PARP14: variants seen among roughly 807,000 people sequenced by gnomAD.
The protein encoded by PARP14 is protein mono-ADP-ribosyltransferase PARP14.
In PARP14, 59 loss-of-function variants were observed where a neutral mutation model predicts 154.2. That is an observed-to-expected ratio of 0.38 (90% CI 0.31 to 0.48). PARP14 has a LOEUF of 0.48. Ranked by LOEUF, PARP14 falls within the 20% of genes least tolerant of loss-of-function variation. The pLI is 0.98. For synonymous variants in PARP14, 720 were observed against 780.5 expected, an observed-to-expected ratio of 0.92 and a Z score of 1.29; for missense variants, 1,734 against 2,131.6, an observed-to-expected ratio of 0.81 and a Z score of 3.67.
rs756005903 is a variant in PARP14 at position 122,718,977 on chromosome 3, C to A, written c.4807+19C>A. The A allele has an allele frequency of 6.5e-7, 1 of 1,534,802 alleles. No homozygotes were observed. The highest frequency in any genetic ancestry group is 1.3e-5 in the South Asian group (1 of 78,430). ...TCCAAAGGTGAGTTAAACATTCATA[C>A]TTGTCATCCACTATTTCACATCTAC... On this transcript the variant is annotated intron_variant, in intron 14 of 16. Transcript: ENST00000474629.
At chr3:122,713,754 A>T in intron 10 of PARP14, 118 bp from the exon 11 acceptor site, 1 of 876,870 alleles carries the variant, frequency 1.1e-6, no homozygotes, top group South Asian at 1.5e-5. Context: ...GTCATCAGCA[A>T]TACCCAATTA....
chr3:122,720,505 T>C, intron 15 of PARP14, 117 bp downstream of exon 15: 1 of 935,236 alleles, frequency 1.1e-6, no homozygotes, highest in Non-Finnish European at 1.7e-6. Context: ...AGAATTAGAA[T>C]TTGTATGGTA....
rs765938773 is a variant in PARP14 at position 122,704,540 on chromosome 3, T to G, written c.3332T>G (p.Ile1111Arg). ...STSSLKIMEDIIRECMEITES... is the reference protein window; with the variant it reads ...STSSLKIMEDRIRECMEITES... ...TGTGCGTTTCAGATAATGGAAGACA[T>G]AATCAGAGAATGTATGGAGATCACT... The change falls in exon 8 of 17, where the codon ATA (isoleucine) becomes AGA (arginine). Residue 1111 changes from isoleucine (I) to arginine (R), a missense_variant. By Grantham distance (97) the Ile-to-Arg change is moderately conservative (BLOSUM62 -3). Around this residue, in one of 2 missense-constraint regions of PARP14, gnomAD observed 1,646 missense variants for 1,976.0 expected, o/e 0.83. Transcript: ENST00000474629. 2 of 1,594,280 alleles carry G rather than the reference T, an allele frequency of 1.3e-6. No individual in the cohort carries two copies. Among genetic ancestry groups the G allele is most frequent in the South Asian group, 1.1e-5 (1 of 88,670 alleles).
At chr3:122,725,598 G>C (rs1417930275) in intron 15 of PARP14, among the ~76,000 whole-genome samples, 1 of 152,046 alleles carries the variant, frequency 6.6e-6, no homozygotes, top group Non-Finnish European at 1.5e-5. Context: ...AGCTATGCTA[G>C]CTTTCTTTTG....
chr3:122,682,135 T>A (rs866072045), intron 1 of PARP14, among the ~76,000 whole-genome samples: 98 of 152,340 alleles, frequency 6.4e-4, no homozygotes, highest in African/African-American at 2.2e-3. Flanking sequence ...ATGGCCCTTA[T>A]GAAAACAAAA....
At chr3:122,695,312 G>A in intron 4 of PARP14, 114 bp from the exon 5 acceptor site, 1 of 616,696 alleles carries the variant, frequency 1.6e-6, no homozygotes, top group Non-Finnish European at 2.9e-6. Flanking sequence ...GTCTAAAAAT[G>A]GAGTGCTTAG....
Position 122,699,515 on chromosome 3 carries a change from C to T in PARP14, c.961C>T (p.Pro321Ser). Residue 321 changes from proline (P) to serine (S), a missense_variant, in exon 6 of 17, where the codon CCA (proline) becomes TCA (serine). Pro to Ser is a moderately conservative substitution (Grantham distance 74, BLOSUM62 -1). Around this residue, in one of 2 missense-constraint regions of PARP14, gnomAD observed 1,646 missense variants for 1,976.0 expected, o/e 0.83. Transcript: ENST00000474629. ...KEKPLIKLPA[P>S]FEESLDLPLW... ...GAAGCCTCTGATCAAGCTTCCAGCA[C>T]CATTTGAAGAGTCACTAGATCTTCC... is the stretch of plus-strand genomic sequence containing the variant. The T allele has an allele frequency of 3.7e-6, 6 of 1,613,920 alleles. No individual in the cohort carries two copies. The highest frequency in any genetic ancestry group is 3.3e-5 in the South Asian group (3 of 91,082).
chr3:122,710,169 T>C (rs1939278861), intron 9 of PARP14, among the ~76,000 whole-genome samples: 1 of 152,180 alleles, frequency 6.6e-6, no homozygotes, highest in South Asian at 2.1e-4. Flanking sequence ...CAATGTTATC[T>C]TTTAGAATTT....
chr3:122,692,649 C>A, intron 4 of PARP14, 106 bp downstream of exon 4: 1 of 901,238 alleles, frequency 1.1e-6, no homozygotes, highest in South Asian at 2.4e-5. Flanking sequence ...TTTCTAGTAG[C>A]TACTAAGAGA....
chr3:122,721,220 A>G, intron 15 of PARP14: 1 of 235,104 alleles, frequency 4.3e-6, no homozygotes, highest in South Asian at 4.6e-5. Flanking sequence ...TTCAATGTCA[A>G]TAGCTCCCAA....
chr3:122,700,444 C>A lies in PARP14; in HGVS notation c.1890C>A (p.Asn630Lys), dbSNP rs367840987. ...TTAAGAAACAAAATTCCTCCCCAAA[C>A]ACTGTAATCATCAATGAGTTAACTT... ...NLLKKQNSSPNTVIINELTSE... is the reference protein window; with the variant it reads ...NLLKKQNSSPKTVIINELTSE... Residue 630 changes from asparagine (N) to lysine (K), a missense_variant, in exon 6 of 17, where the codon AAC becomes AAA. Transcript: ENST00000474629. 5 of 1,613,490 alleles carry A rather than the reference C, an allele frequency of 3.1e-6. No homozygotes were observed. Among genetic ancestry groups the A allele is most frequent in the Non-Finnish European group, 4.2e-6 (5 of 1,179,602 alleles).
Position 122,713,423 on chromosome 3 carries a change from G to C in PARP14, c.3620-1G>C, listed in dbSNP as rs1939385608. The C allele has an allele frequency of 1.9e-6, 3 of 1,606,628 alleles. No homozygotes were observed. The highest frequency in any genetic ancestry group is 1.1e-5 in the South Asian group (1 of 90,284). On this transcript the variant is annotated splice_acceptor_variant, in intron 9 of 16. Transcript: ENST00000474629. LOFTEE classifies it high-confidence loss of function. ...ATTGACTTTACTTCTTTTCTTTTCA[G>C]GTTTTTATGGGACTGTTTCTAGCCC...
chr3:122,714,438 C>A lies in PARP14; in HGVS notation c.4000+9C>A. ...CCCAGCCATTGGGACAGGTTCGTAG[C>A]CTCTGGCTGTCAAGGCTAAATCCCA... is the stretch of plus-strand genomic sequence containing the variant. On this transcript the variant is annotated intron_variant, in intron 12 of 16. Coordinates refer to ENST00000474629, the MANE Select transcript of PARP14 (RefSeq NM_017554.3). 2 of 1,547,482 alleles carry A rather than the reference C, an allele frequency of 1.3e-6. No homozygotes were observed. The highest frequency in any genetic ancestry group is 2.8e-5 in the African/African-American group (2 of 71,110).
chr3:122,680,895 C>T lies in PARP14; in HGVS notation c.12C>T (p.Pro4=), dbSNP rs776419568. MAV[P]GSFPLLVEGS... ...GAGCGGAGCTGAGGATGGCTGTGCC[C>T]GGCTCCTTCCCGCTGCTGGTCGAGG... Residue 4 remains proline, a synonymous_variant, in exon 1 of 17, where the codon CCC becomes CCT. Transcript: ENST00000474629. 272 of 1,606,138 alleles carry T rather than the reference C, an allele frequency of 1.7e-4. No individual in the cohort carries two copies. The highest frequency in any genetic ancestry group is 7.6e-4 in the Admixed American group (45 of 58,904).
chr3:122,685,856 T>G (rs1022167703), intron 2 of PARP14, among the ~76,000 whole-genome samples: 10 of 152,274 alleles, frequency 6.6e-5, no homozygotes, highest in East Asian at 1.9e-4. Flanking sequence ...AGCCAAGATT[T>G]GGGGATTATA....
intron 15 of PARP14, among the ~76,000 whole-genome samples, chr3:122,725,862 T>C (rs1428792261): frequency 6.6e-6 from 1 of 152,204 alleles, no homozygotes; most frequent in Non-Finnish European, 1.5e-5. Context: ...TGTTCTTTTT[T>C]ATCTTTTCCT....
At position 122,700,854 on chromosome 3, in the gene PARP14, G is replaced by A. The variant is rs868392294; in HGVS notation, c.2300G>A (p.Arg767Gln). 1.1e-5 allele frequency: 17 copies of A among 1,613,844 alleles called. No individual in the cohort carries two copies. The highest frequency in any genetic ancestry group is 4.5e-5 in the East Asian group (2 of 44,900). Residue 767 changes from arginine (R) to glutamine (Q), a missense_variant, in exon 6 of 17, where the codon CGG becomes CAG. Transcript: ENST00000474629. The stretch of plus-strand genomic sequence containing the variant: ...CGGTTTTATCAAAGTGAGATCAAAC[G>A]GTTGTTTGGTTGTTACATTGAACTA... ...KARFYQSEIK[R>Q]LFGCYIELQE...
At chr3:122,712,730 A>G (rs1331931809) in intron 9 of PARP14, among the ~76,000 whole-genome samples, 1 of 149,634 alleles carries the variant, frequency 6.7e-6, no homozygotes, top group East Asian at 2.0e-4. Flanking sequence ...TATTTGTATT[A>G]TTTGTAGAGA....
chr3:122,703,811 T>C lies in PARP14; in HGVS notation c.3151T>C (p.Leu1051=), dbSNP rs548724722. 3 of 1,613,996 alleles carry C rather than the reference T, an allele frequency of 1.9e-6. No individual in the cohort carries two copies. The highest frequency in any genetic ancestry group is 1.3e-5 in the African/African-American group (1 of 75,050). The change falls in exon 7 of 17, where the codon TTG becomes CTG. Residue 1051 remains leucine (L), a synonymous_variant. Coordinates refer to ENST00000474629, the MANE Select transcript of PARP14 (RefSeq NM_017554.3). Reference sequence around the variant, plus strand: ...TAGAGGGCCTCTTTCTAAGTCCCTCTTGGAAAAAGCTGGACCAGAGCTCCA... The same window carrying C: ...TAGAGGGCCTCTTTCTAAGTCCCTCCTGGAAAAAGCTGGACCAGAGCTCCA... The part of the protein sequence containing the change: ...LSRGPLSKSL[L]EKAGPELQEE...
Sources: gnomAD v4.1 joint callset for allele counts (sites outside exome capture counted in the v4.1 genomes callset) on GRCh38, gnomAD v4.1.1 for gene constraint, gnomAD v4.1.1 regional missense constraint, MANE v1.5 for transcripts, NCBI Gene and HGNC (gene_info 2026-07-23, HGNC 2026-07-21) for gene names.